The following RNLS variants were observed in gnomAD, a reference collection of about 807,000 sequenced individuals.
The protein encoded by RNLS is renalase.
Under a neutral mutation model 39.8 loss-of-function variants are expected in RNLS, and 39 were observed. That is an observed-to-expected ratio of 0.98 (90% confidence interval 0.76 to 1.28). RNLS has a LOEUF of 1.28. Among genes scored for constraint, RNLS ranks in the 50% most tolerant of loss-of-function variants. RNLS has a pLI of 0.00. For synonymous variants in RNLS, 147 were observed against 150.7 expected, an observed-to-expected ratio of 0.98 and a Z score of 0.18; for missense variants, 410 against 413.3, an observed-to-expected ratio of 0.99 and a Z score of 0.07.
chr10:88,477,292 C>G (rs1250420434), intron 4 of RNLS, among the ~76,000 whole-genome samples: 2 of 152,074 alleles, frequency 1.3e-5, no homozygotes, highest in African/African-American at 4.8e-5. Context: ...GAAGGAACAA[C>G]AAAGCAGGTG....
chr10:88,443,634 A>T (rs1050260911), intron 4 of RNLS, among the ~76,000 whole-genome samples: 4 of 152,208 alleles, frequency 2.6e-5, no homozygotes, highest in Non-Finnish European at 4.4e-5. Flanking sequence ...CACTTTTCCA[A>T]TGGTCTTAGC....
chr10:88,297,685 G>A (rs1199104512), intron 6 of RNLS, among the ~76,000 whole-genome samples: 1 of 151,982 alleles, frequency 6.6e-6, no homozygotes, highest in Non-Finnish European at 1.5e-5. Context: ...CCCTTTTTAT[G>A]GCTGAATGAT....
chr10:88,267,389 A>C, the RNLS span, among the ~76,000 whole-genome samples: 3 of 152,274 alleles, frequency 2.0e-5, no homozygotes, highest in Non-Finnish European at 2.9e-5. Context: ...CAGCCTGGGC[A>C]ACATAGCGAG....
chr10:88,467,189 C>T (rs1182575243), intron 4 of RNLS, among the ~76,000 whole-genome samples: 2 of 151,992 alleles, frequency 1.3e-5, no homozygotes, highest in African/African-American at 4.8e-5. Flanking sequence ...GAGTAGGTCC[C>T]TCTTACCTTT....
intron 4 of RNLS, among the ~76,000 whole-genome samples, chr10:88,371,563 G>A (rs1283660671): frequency 6.6e-6 from 1 of 152,102 alleles, no homozygotes; most frequent in Non-Finnish European, 1.5e-5. Flanking sequence ...TACTTTAGAA[G>A]GCTGAATGTT....
At chr10:88,233,828 CT>C in the RNLS span, among the ~76,000 whole-genome samples, 1 of 152,002 alleles carries the variant, frequency 6.6e-6, no homozygotes, top group African/African-American at 2.4e-5. Flanking sequence ...TATGCATGCT[CT>C]ATCTTTCCAT....
chr10:88,458,206 G>A (rs1339970566), intron 4 of RNLS, among the ~76,000 whole-genome samples: 1 of 152,092 alleles, frequency 6.6e-6, no homozygotes, highest in African/African-American at 2.4e-5. Flanking sequence ...GTTCTCATTG[G>A]TCATTCCCCA....
At chr10:88,201,477 C>T in the RNLS span, among the ~76,000 whole-genome samples, 2 of 152,100 alleles carry the variant, frequency 1.3e-5, no homozygotes, top group Admixed American at 6.6e-5. Context: ...GGCTGTTGTG[C>T]TGTGAGAGGC....
chr10:88,572,990 GT>G lies in RNLS; in HGVS notation c.438del (p.Lys146AsnfsTer31), dbSNP rs1200833773. 1 of 1,614,076 alleles carries G rather than the reference GT, an allele frequency of 6.2e-7. No homozygotes were observed. The highest frequency in any genetic ancestry group is 8.5e-7 in the Non-Finnish European group (1 of 1,179,938). On this transcript the variant is annotated frameshift_variant, in exon 4 of 7. Coordinates refer to ENST00000331772, the MANE Select transcript of RNLS (RefSeq NM_001031709.3). LOFTEE classifies it high-confidence loss of function. ...NLRDDKWEVS[K>X]QTGSPEQFDL... is the part of the protein sequence containing the mutation. ...TCAAACTGCTCAGGGGAGCCTGTTTGTTTGGATACTTCCCATTTGTCATCTC... is the reference window on the plus strand; with the variant it reads ...TCAAACTGCTCAGGGGAGCCTGTTTGTTGGATACTTCCCATTTGTCATCTC...
downstream of RNLS, among the ~76,000 whole-genome samples, chr10:88,282,857 G>T (rs1028007994): frequency 1.2e-4 from 19 of 152,158 alleles, no homozygotes; most frequent in Non-Finnish European, 2.6e-4. Flanking sequence ...GCATCATAAA[G>T]TTTTATTCTG....
At chr10:88,544,659 C>T (rs925736316) in intron 4 of RNLS, among the ~76,000 whole-genome samples, 1 of 152,152 alleles carries the variant, frequency 6.6e-6, no homozygotes, top group African/African-American at 2.4e-5. Flanking sequence ...GGGTAAGCAA[C>T]TCTGAGAAGA....
At chr10:88,453,175 G>A (rs1044074268) in intron 4 of RNLS, among the ~76,000 whole-genome samples, 3 of 152,184 alleles carry the variant, frequency 2.0e-5, no homozygotes, top group South Asian at 2.1e-4. Flanking sequence ...GGAGTACACC[G>A]TAGTGGATAC....
chr10:88,516,607 T>C (rs1846420132), intron 4 of RNLS, among the ~76,000 whole-genome samples: 1 of 152,022 alleles, frequency 6.6e-6, no homozygotes, highest in South Asian at 2.1e-4. Flanking sequence ...CCCTAAAATT[T>C]CTAGTCCATC....
At chr10:88,239,733 A>C in the RNLS span, among the ~76,000 whole-genome samples, 1 of 152,208 alleles carries the variant, frequency 6.6e-6, no homozygotes, top group Non-Finnish European at 1.5e-5. Context: ...TACATAATAA[A>C]ATGGTAATTT....
rs185754786 is a variant in RNLS, at chr10:88,503,235, G to A, written c.526+69668C>T. Among the ~76,000 whole-genome samples the A allele has an allele frequency of 1.8e-4, 27 of 152,250 alleles. 1 individual carries two copies. The highest frequency in any genetic ancestry group is 3.9e-4 in the Admixed American group (6 of 15,284). The stretch of plus-strand genomic sequence containing the variant: ...GTATCTACTAAAAATACAAAAACTA[G>A]CTGGGCATGGTGGCACATGCCTGTA... On this transcript the variant is annotated intron_variant, in intron 4 of 6. Coordinates refer to ENST00000331772, the MANE Select transcript of RNLS (RefSeq NM_001031709.3).
At chr10:88,411,733 T>C (rs1286190060) in intron 4 of RNLS, among the ~76,000 whole-genome samples, 1 of 152,172 alleles carries the variant, frequency 6.6e-6, no homozygotes, top group Admixed American at 6.6e-5. Flanking sequence ...AATGTATGCA[T>C]TAGATAATAC....
the RNLS span, among the ~76,000 whole-genome samples, chr10:88,248,061 T>C: frequency 6.6e-6 from 1 of 152,238 alleles, no homozygotes; most frequent in African/African-American, 2.4e-5. Flanking sequence ...TACGTACATG[T>C]TGACTTAAGC....
chr10:88,270,793 A>C (rs1842628794), downstream of RNLS, among the ~76,000 whole-genome samples: 1 of 152,196 alleles, frequency 6.6e-6, no homozygotes, highest in Non-Finnish European at 1.5e-5. Context: ...ATACAACCCC[A>C]ACTTCCAAGT....
intron 4 of RNLS, among the ~76,000 whole-genome samples, chr10:88,371,139 C>T (rs1269298672): frequency 2.0e-5 from 3 of 151,880 alleles, no homozygotes; most frequent in African/African-American, 7.3e-5. Flanking sequence ...ATCTGTTTTC[C>T]TGTAAAATAA....
Sources: allele counts gnomAD v4.1 joint callset (sites outside exome capture counted in the v4.1 genomes callset), GRCh38; gene constraint gnomAD v4.1.1; transcripts MANE v1.5; gene names NCBI Gene and HGNC (gene_info 2026-07-23, HGNC 2026-07-21).